The following DLGAP1 variants were observed in gnomAD, a reference collection of about 807,000 sequenced individuals.
The protein encoded by DLGAP1 is disks large-associated protein 1.
DLGAP1 carries 11 observed loss-of-function variants against 90.8 expected under a neutral mutation model. That is an observed-to-expected ratio of 0.12 (90% CI 0.08 to 0.20). The LOEUF is 0.20. Among genes scored for constraint, DLGAP1 ranks in the 10% least tolerant of loss-of-function variants. The probability of loss-of-function intolerance (pLI) is 1.00; values close to 1 mark genes in which losing one functional copy is unlikely to be tolerated. For synonymous variants in DLGAP1, 558 were observed against 540.7 expected, an observed-to-expected ratio of 1.03 and a Z score of -0.44; for missense variants, 1,050 against 1,333.8, an observed-to-expected ratio of 0.79 and a Z score of 3.31.
At chr18:4,069,597 C>G (rs1045641276) in intron 2 of DLGAP1, among the ~76,000 whole-genome samples, 3 of 152,162 alleles carry the variant, frequency 2.0e-5, no homozygotes, top group Admixed American at 6.5e-5. Context: ...CATGCTCTCG[C>G]TTGCTCTTGC....
chr18:4,257,103 G>T (rs1316376001), intron 1 of DLGAP1, among the ~76,000 whole-genome samples: 1 of 152,204 alleles, frequency 6.6e-6, no homozygotes, highest in African/African-American at 2.4e-5. Flanking sequence ...AAGGGAGATA[G>T]TTATGGTTAG....
intron 1 of DLGAP1, among the ~76,000 whole-genome samples, chr18:4,215,862 A>G (rs2144924966): frequency 6.6e-6 from 1 of 152,218 alleles, no homozygotes; most frequent in Admixed American, 6.5e-5. Context: ...TGGGAGCAGG[A>G]ACACATTTGG....
At chr18:4,209,445 T>C (rs2077794882) in intron 1 of DLGAP1, among the ~76,000 whole-genome samples, 1 of 152,222 alleles carries the variant, frequency 6.6e-6, no homozygotes, top group South Asian at 2.1e-4. Flanking sequence ...TTTACCTTGA[T>C]TAGTGTTTCA....
chr18:3,815,745 T>C (rs1010913895), intron 4 of DLGAP1, among the ~76,000 whole-genome samples: 1 of 152,136 alleles, frequency 6.6e-6, no homozygotes, highest in African/African-American at 2.4e-5. Context: ...TCCTTCTTCA[T>C]TTTTCATGAC....
At chr18:4,091,303 T>C (rs1412224816) in intron 2 of DLGAP1, among the ~76,000 whole-genome samples, 2 of 152,242 alleles carry the variant, frequency 1.3e-5, no homozygotes, top group African/African-American at 4.8e-5. Context: ...ATCTAAGATG[T>C]CTGATCTTTG....
In DLGAP1 at chr18:3,814,073, T is replaced by G; in HGVS notation, c.1158A>C (p.Glu386Asp). 1 of 1,613,946 alleles carries G rather than the reference T, an allele frequency of 6.2e-7. No homozygotes were observed. The highest frequency in any genetic ancestry group is 8.5e-7 in the Non-Finnish European group (1 of 1,179,972). ...YLKATQPSLT[E>D]LTTLKISNEH... Reference sequence around the variant, plus strand: ...GGACTACTCACTTGAGTGTGGTGAGTTCTGTAAGGGATGGCTGAGTAGCCT... The same window carrying G: ...GGACTACTCACTTGAGTGTGGTGAGGTCTGTAAGGGATGGCTGAGTAGCCT... Residue 386 changes from glutamate (E) to aspartate (D), a missense_variant, in exon 5 of 13, where the codon GAA (glutamate) becomes GAC (aspartate). Glu to Asp is a conservative substitution (Grantham distance 45). Coordinates refer to ENST00000315677, the MANE Select transcript of DLGAP1 (RefSeq NM_004746.4).
intron 9 of DLGAP1, among the ~76,000 whole-genome samples, chr18:3,566,711 A>C (rs1348187961): frequency 2.6e-5 from 4 of 152,182 alleles, no homozygotes. Flanking sequence ...ACACTGATTT[A>C]TAATTTAGAG....
intron 1 of DLGAP1, among the ~76,000 whole-genome samples, chr18:4,343,994 G>A (rs970053278): frequency 6.6e-6 from 1 of 152,180 alleles, no homozygotes; most frequent in Admixed American, 6.5e-5. Flanking sequence ...ACAAAATGAT[G>A]ATGATGAATT....
At chr18:3,769,719 T>C (rs530619332) in intron 5 of DLGAP1, among the ~76,000 whole-genome samples, 1 of 151,962 alleles carries the variant, frequency 6.6e-6, no homozygotes, top group African/African-American at 2.4e-5. Context: ...GGGAGGGAAG[T>C]GGGTGTGGCT....
chr18:3,850,104 C>T (rs7244898), intron 4 of DLGAP1, among the ~76,000 whole-genome samples: 3 of 151,996 alleles, frequency 2.0e-5, no homozygotes, highest in Non-Finnish European at 4.4e-5. Context: ...CAGTGGCTCA[C>T]GTCTGTAATC....
At chr18:4,178,646 AATG>A (rs1340687872) in intron 1 of DLGAP1, among the ~76,000 whole-genome samples, 5 of 152,160 alleles carry the variant, frequency 3.3e-5, no homozygotes, top group African/African-American at 1.2e-4. Flanking sequence ...TAGAGTTTAG[AATG>A]ATATTATTTT....
At chr18:4,270,202 G>T (rs473365) in intron 1 of DLGAP1, among the ~76,000 whole-genome samples, 1 of 152,058 alleles carries the variant, frequency 6.6e-6, no homozygotes, top group South Asian at 2.1e-4. Context: ...GGTTTCATTC[G>T]CACTTGGCAC....
At chr18:4,423,103 A>C (rs2083077628) in intron 1 of DLGAP1, among the ~76,000 whole-genome samples, 1 of 152,156 alleles carries the variant, frequency 6.6e-6, no homozygotes, top group African/African-American at 2.4e-5. Flanking sequence ...TTGTAGCTCA[A>C]ACCTAAAAAA....
chr18:4,240,379 GA>G, intron 1 of DLGAP1, among the ~76,000 whole-genome samples: 1 of 151,748 alleles, frequency 6.6e-6, no homozygotes, highest in East Asian at 1.9e-4. Flanking sequence ...ACTGCTAGAG[GA>G]AAATACAATC....
chr18:3,952,327 T>C (rs2073002850), intron 3 of DLGAP1, among the ~76,000 whole-genome samples: 1 of 152,210 alleles, frequency 6.6e-6, no homozygotes, highest in African/African-American at 2.4e-5. Flanking sequence ...GGATGTGTCA[T>C]ATAATGGTAC....
chr18:4,250,965 A>C (rs1249033171), intron 1 of DLGAP1, among the ~76,000 whole-genome samples: 1 of 152,200 alleles, frequency 6.6e-6, no homozygotes, highest in East Asian at 1.9e-4. Context: ...TAAAGAAACA[A>C]AACTCATTTC....
intron 10 of DLGAP1, among the ~76,000 whole-genome samples, chr18:3,527,469 A>T (rs2872506): frequency 0.76 from 109,881 of 144,644 alleles, 41,785 homozygotes; most frequent in South Asian, 0.85. Flanking sequence ...CAGGGAGTCA[A>T]TTAACAAAAT....
intron 2 of DLGAP1, among the ~76,000 whole-genome samples, chr18:4,061,376 TTAA>T (rs142174435): frequency 0.21 from 13,254 of 62,010 alleles, 687 homozygotes; most frequent in East Asian, 0.4. Flanking sequence ...TTGTGAAAGA[TTAA>T]TCTTATAAAA....
chr18:3,911,887 C>A (rs1332860091), intron 3 of DLGAP1, among the ~76,000 whole-genome samples: 1 of 152,208 alleles, frequency 6.6e-6, no homozygotes, highest in East Asian at 1.9e-4. Context: ...TAGCATACAG[C>A]AGTGAAAAGT....
Sources: gnomAD v4.1 joint callset for allele counts (sites outside exome capture counted in the v4.1 genomes callset) on GRCh38, gnomAD v4.1.1 for gene constraint, MANE v1.5 for transcripts, NCBI Gene and HGNC (gene_info 2026-07-23, HGNC 2026-07-21) for gene names.